The following DNTTIP2 variants were observed in gnomAD, a reference collection of about 807,000 sequenced individuals.
DNTTIP2 encodes the protein deoxynucleotidyltransferase terminal interacting protein 2, also known as deoxynucleotidyltransferase terminal-interacting protein 2.
A neutral mutation model predicts 62.4 loss-of-function variants in DNTTIP2; 47 were observed. The ratio of observed to expected loss-of-function variants is 0.75; its 90% CI spans 0.60 to 0.96. The LOEUF (loss-of-function observed/expected upper bound fraction) is 0.96. Ranked by LOEUF, DNTTIP2 falls within the 40% of genes least tolerant of loss-of-function variation. The probability of loss-of-function intolerance (pLI) is 0.00; values close to 1 mark genes in which losing one functional copy is unlikely to be tolerated. For synonymous variants in DNTTIP2, 322 were observed against 300.9 expected (o/e 1.07, Z -0.73); for missense variants, 870 against 849.1 (o/e 1.02, Z -0.31).
intron 5 of DNTTIP2, among the ~76,000 whole-genome samples, chr1:93,871,673 C>G (rs1341151021): frequency 2.0e-5 from 3 of 152,184 alleles, no homozygotes. Context: ...TAATTCATCA[C>G]TGAATGTTTC....
rs758319124 is a variant in DNTTIP2, at chr1:93,876,342, ATCT to A, written c.1590_1592del (p.Glu530del). The A allele has an allele frequency of 1.4e-5, 22 of 1,555,076 alleles. No homozygotes were observed. Among genetic ancestry groups the A allele is most frequent in the Admixed American group, 7.8e-5 (4 of 51,068 alleles). ...CTTCATTTTCGTCATGGTCTGATGA[ATCT>A]TCTTCACTTTTTTCATCCTCTTCCT... On this transcript the variant is annotated inframe_deletion, in exon 2 of 7. Transcript: ENST00000436063.
chr1:93,877,355 A>G lies in DNTTIP2; in HGVS notation c.580T>C (p.Ser194Pro). 6 of 1,613,782 alleles carry G rather than the reference A, an allele frequency of 3.7e-6. No individual in the cohort carries two copies. The highest frequency in any genetic ancestry group is 5.1e-6 in the Non-Finnish European group (6 of 1,179,878). Residue 194 changes from serine (S) to proline (P), a missense_variant, in exon 2 of 7, where the codon TCA (serine) becomes CCA (proline). By Grantham distance (74) the Ser-to-Pro change is moderately conservative. Transcript: ENST00000436063. ...CTTCTAGTTGCAATTCCAGAGAATG[A>G]AATGTCTGAGCTTGATGTCTCAGCA... ...SDAETSSSDI[S>P]FSGIATRRTR...
intron 3 of DNTTIP2, among the ~76,000 whole-genome samples, chr1:93,874,003 TG>T (rs748829234): frequency 1.7e-4 from 26 of 152,214 alleles, no homozygotes; most frequent in East Asian, 1.3e-3. Flanking sequence ...ACATTTGAAA[TG>T]ATCAACTCAG....
chr1:93,872,012 C>T (rs1655874018), intron 5 of DNTTIP2, 60 bp downstream of exon 5: 2 of 1,579,484 alleles, frequency 1.3e-6, no homozygotes, highest in Admixed American at 3.4e-5. Flanking sequence ...TTAAAGAACA[C>T]TACAGTGCTT....
In DNTTIP2 at chr1:93,869,822, G is replaced by C. The variant is rs1655811065; in HGVS notation, c.*29C>G. 1.3e-6 allele frequency: 1 copy of C among 776,512 alleles called. No individual in the cohort carries two copies. Among genetic ancestry groups the C allele is most frequent in the East Asian group, 2.4e-5 (1 of 41,166 alleles). 48.1% of individuals were successfully genotyped at this position (776,512 alleles called of 1,614,324 possible). On this transcript the variant is annotated 3_prime_UTR_variant, in exon 7 of 7. Coordinates refer to ENST00000436063, the MANE Select transcript of DNTTIP2 (RefSeq NM_014597.5). ...TTTAATAAGTAAATAAAGGAGCAAT[G>C]TAAAATGTTGCAGTTTGCTTGGTAA...
intron 3 of DNTTIP2, among the ~76,000 whole-genome samples, chr1:93,874,911 C>T (rs1359841417): frequency 6.6e-6 from 1 of 152,202 alleles, no homozygotes; most frequent in African/African-American, 2.4e-5. Context: ...CAAAGGCCTG[C>T]ACTAGCTGGT....
intron 1 of DNTTIP2, chr1:93,878,790 A>G (rs1167491604): frequency 1.1e-5 from 4 of 365,210 alleles, no homozygotes; most frequent in African/African-American, 8.4e-5. Context: ...CCGTGTTAAC[A>G]GTAAGGTTTA....
In DNTTIP2 at chr1:93,867,556, C is replaced by T. The variant is rs1262243831; in HGVS notation, c.*2295G>A. ...CTGAGATGGCACCACTGCACTCCAACCTGGGTGATGGAGTGAGACGTCTCA... is the reference window on the plus strand; with the variant it reads ...CTGAGATGGCACCACTGCACTCCAATCTGGGTGATGGAGTGAGACGTCTCA... On this transcript the variant is annotated 3_prime_UTR_variant, in exon 7 of 7. Transcript: ENST00000436063. 1 of 150,154 alleles carries T rather than the reference C, an allele frequency of 6.7e-6. No individual in the cohort carries two copies. The highest frequency in any genetic ancestry group is 1.9e-4 in the East Asian group (1 of 5,148). 9.3% of individuals were successfully genotyped at this position (150,154 alleles called of 1,614,324 possible).
chr1:93,871,087 C>T (rs959980087), intron 5 of DNTTIP2: 1 of 189,362 alleles, frequency 5.3e-6, no homozygotes, highest in East Asian at 1.3e-4. Flanking sequence ...ACTTTTTGTT[C>T]TAGTTTCCCA....
intron 1 of DNTTIP2, among the ~76,000 whole-genome samples, 185 bp from the exon 2 acceptor site, chr1:93,878,047 C>T (rs140061745): frequency 6.6e-6 from 1 of 152,306 alleles, no homozygotes; most frequent in Non-Finnish European, 1.5e-5. Context: ...TGGCTTACGG[C>T]TGTAATCCCA....
chr1:93,876,828 A>G lies in DNTTIP2; in HGVS notation c.1107T>C (p.Thr369=). 1 of 1,613,918 alleles carries G rather than the reference A, an allele frequency of 6.2e-7. No individual in the cohort carries two copies. Among genetic ancestry groups the G allele is most frequent in the South Asian group, 1.1e-5 (1 of 91,084 alleles). The part of the protein sequence containing the change: ...VMKSLTQTFA[T]VEVGRWNNNK... ...TGTTATTCCATCTGCCTACTTCCACAGTTGCAAATGTTTGAGTTAATGATT... is the reference window on the plus strand; with the variant it reads ...TGTTATTCCATCTGCCTACTTCCACGGTTGCAAATGTTTGAGTTAATGATT... Residue 369 remains threonine (T), a synonymous_variant, in exon 2 of 7, where the codon ACT becomes ACC. Coordinates refer to ENST00000436063, the MANE Select transcript of DNTTIP2 (RefSeq NM_014597.5).
chr1:93,872,667 G>T (rs1359543530), intron 4 of DNTTIP2, among the ~76,000 whole-genome samples: 1 of 152,120 alleles, frequency 6.6e-6, no homozygotes, highest in Non-Finnish European at 1.5e-5. Context: ...CCAGAACCTT[G>T]TGTTATTTCT....
intron 1 of DNTTIP2, 140 bp from the exon 2 acceptor site, chr1:93,878,002 T>C: frequency 7.6e-7 from 1 of 1,321,376 alleles, no homozygotes; most frequent in South Asian, 1.6e-5. Context: ...GCCCAACTCA[T>C]GATTTTTAAA....
Position 93,870,747 on chromosome 1 carries a change from T to A in DNTTIP2, c.2113A>T (p.Ile705Phe). The change falls in exon 6 of 7, where the codon ATT becomes TTT. Residue 705 changes from isoleucine (I) to phenylalanine (F), a missense_variant. By Grantham distance (21) the Ile-to-Phe change is conservative. Transcript: ENST00000436063. ...DNPADFYHSR[I>F]PKKQRKRTIV... ...GTTCTTTTCCTTTGCTTCTTGGGAA[T>A]TCGTGAATGGTAGAAATCAGCTGGA... 1 of 1,573,640 alleles carries A rather than the reference T, an allele frequency of 6.4e-7. No individual in the cohort carries two copies. Among genetic ancestry groups the A allele is most frequent in the East Asian group, 2.3e-5 (1 of 43,942 alleles).
At chr1:93,872,638 A>C (rs917952962) in intron 4 of DNTTIP2, among the ~76,000 whole-genome samples, 4 of 152,204 alleles carry the variant, frequency 2.6e-5, no homozygotes, top group Admixed American at 6.5e-5. Flanking sequence ...GAGTCTCAGA[A>C]TGCCACTCAT....
Position 93,877,705 on chromosome 1 carries a change from T to G in DNTTIP2, c.230A>C (p.Lys77Thr). The G allele has an allele frequency of 1.9e-6, 3 of 1,613,968 alleles. No homozygotes were observed. The highest frequency in any genetic ancestry group is 2.5e-6 in the Non-Finnish European group (3 of 1,179,886). ...TCCATCCGTAGATGGTTCAGTCCCC[T>G]TTGGTAGTGAGCCTGTAGTTCTGCT... The part of the protein sequence containing the change: ...RKSRTTGSLP[K>T]GTEPSTDGET... Residue 77 changes from lysine (K) to threonine (T), a missense_variant, in exon 2 of 7, where the codon AAG becomes ACG. Transcript: ENST00000436063.
chr1:93,876,832 G>A lies in DNTTIP2; in HGVS notation c.1103C>T (p.Ala368Val). 6.2e-7 allele frequency: 1 copy of A among 1,613,944 alleles called. No homozygotes were observed. The highest frequency in any genetic ancestry group is 8.5e-7 in the Non-Finnish European group (1 of 1,179,880). Residue 368 changes from alanine (A) to valine (V), a missense_variant, in exon 2 of 7, where the codon GCA (alanine) becomes GTA (valine). By Grantham distance (64) the Ala-to-Val change is moderately conservative (BLOSUM62 0). Coordinates refer to ENST00000436063, the MANE Select transcript of DNTTIP2 (RefSeq NM_014597.5). ...ATTCCATCTGCCTACTTCCACAGTT[G>A]CAAATGTTTGAGTTAATGATTTCAT... ...AVMKSLTQTFATVEVGRWNNN... is the reference protein window; with the variant it reads ...AVMKSLTQTFVTVEVGRWNNN...
In DNTTIP2 at chr1:93,877,098, T is replaced by C. The variant is rs768806167; in HGVS notation, c.837A>G (p.Thr279=). ...FSHRSSENIL[T]VHEQANVESL... ...ATTCAACATTGGCCTGTTCGTGCAC[T>C]GTTAATATATTTTCTGAACTTCTGT... Residue 279 remains threonine (T), a synonymous_variant, in exon 2 of 7, where the codon ACA becomes ACG. Transcript: ENST00000436063. 115 of 1,611,406 alleles carry C rather than the reference T, an allele frequency of 7.1e-5. No individual in the cohort carries two copies. Among genetic ancestry groups the C allele is most frequent in the Non-Finnish European group, 9.3e-5 (110 of 1,179,768 alleles).
intron 5 of DNTTIP2, 119 bp downstream of exon 5, chr1:93,871,953 A>T: frequency 8.8e-7 from 1 of 1,132,926 alleles, no homozygotes. Context: ...GATATGTTCC[A>T]TACATTAGGC....
Sources: gnomAD v4.1 joint callset for allele counts (sites outside exome capture counted in the v4.1 genomes callset) on GRCh38, gnomAD v4.1.1 for gene constraint, MANE v1.5 for transcripts, NCBI Gene and HGNC (gene_info 2026-07-23, HGNC 2026-07-21) for gene names.